TULP4: variants seen among roughly 807,000 people sequenced by gnomAD.
The protein encoded by TULP4 is TUB like protein 4, also known as tubby-related protein 4.
TULP4 carries 16 observed loss-of-function variants against 129.0 expected under a neutral mutation model. The ratio of observed to expected loss-of-function variants is 0.12; its 90% confidence interval spans 0.08 to 0.19. TULP4 has a LOEUF of 0.19. Among genes scored for constraint, TULP4 ranks in the 10% least tolerant of loss-of-function variants. TULP4 has a pLI of 1.00. For synonymous variants in TULP4, 998 were observed against 854.0 expected, an observed-to-expected ratio of 1.17 and a Z score of -2.94; for missense variants, 1,842 against 2,059.1, an observed-to-expected ratio of 0.89 and a Z score of 2.04.
intron 1 of TULP4, among the ~76,000 whole-genome samples, chr6:158,247,903 T>G (rs943173381): frequency 6.6e-6 from 1 of 152,174 alleles, no homozygotes; most frequent in Admixed American, 6.6e-5. Flanking sequence ...TATACAGGAT[T>G]ATCTTTACAC....
At chr6:158,399,015 C>T (rs1777784351) in intron 1 of TULP4, among the ~76,000 whole-genome samples, 1 of 152,118 alleles carries the variant, frequency 6.6e-6, no homozygotes, top group Non-Finnish European at 1.5e-5. Flanking sequence ...TATGCAACTG[C>T]CAGTAACTTC....
At chr6:158,282,525 C>CT (rs1778772157) in intron 1 of TULP4, 1 of 151,226 alleles carries the variant, frequency 6.6e-6, no homozygotes, top group Non-Finnish European at 1.5e-5. Context: ...GGATCATTAT[C>CT]TTTTTTCCTG....
At position 158,314,765 on chromosome 6, in the gene TULP4, T is replaced by C. The variant is rs749278052; in HGVS notation, c.252+497T>C. 2.0e-5 allele frequency among the ~76,000 whole-genome samples: 3 copies of C among 152,348 alleles called. No homozygotes were observed. In the Middle Eastern group the frequency reaches 0.01, roughly 518 times the overall value. On this transcript the variant is annotated intron_variant, in intron 1 of 13. Transcript: ENST00000367097. ...GGCTTAACACTTGGCTTGTATGTTT[T>C]CGTACTTGGAGGTAAAGAAGTAGTT...
intron 1 of TULP4, among the ~76,000 whole-genome samples, chr6:158,253,400 G>A (rs1583678020): frequency 6.6e-6 from 1 of 152,166 alleles, no homozygotes; most frequent in African/African-American, 2.4e-5. Flanking sequence ...TCCTGTCTCT[G>A]CCCTGCCGTA....
intron 2 of TULP4, among the ~76,000 whole-genome samples, chr6:158,418,044 C>T (rs1240818037): frequency 6.6e-6 from 1 of 151,548 alleles, no homozygotes; most frequent in African/African-American, 2.4e-5. Flanking sequence ...GCATTGCAAC[C>T]TTCTGCAGTT....
intron 1 of TULP4, among the ~76,000 whole-genome samples, chr6:158,246,425 G>A (rs572603038): frequency 6.6e-6 from 1 of 151,830 alleles, no homozygotes; most frequent in African/African-American, 2.4e-5. Flanking sequence ...CCAGGAGGCG[G>A]AGCTTGCAGT....
chr6:158,489,586 A>C lies in TULP4; in HGVS notation c.1487-2A>C, dbSNP rs755017553. On this transcript the variant is annotated splice_acceptor_variant, in intron 8 of 13. Coordinates refer to ENST00000367097, the MANE Select transcript of TULP4 (RefSeq NM_020245.5). LOFTEE classifies it high-confidence loss of function. ...GAAATCTGCTGGTTGGTGTTTTACC[A>C]GATGAAATCTATGGGAACAGCTTGA... 6.2e-7 allele frequency: 1 copy of C among 1,614,154 alleles called. No individual in the cohort carries two copies. Among genetic ancestry groups the C allele is most frequent in the Non-Finnish European group, 8.5e-7 (1 of 1,180,036 alleles).
At chr6:158,237,607 T>C in intron 1 of TULP4, 2 of 1,462,282 alleles carry the variant, frequency 1.4e-6, no homozygotes, top group Non-Finnish European at 1.9e-6. Flanking sequence ...GAAAGAACAT[T>C]CTTGCATTGG....
At chr6:158,501,555 G>T in intron 12 of TULP4, 123 bp from the exon 13 acceptor site, 1 of 1,005,282 alleles carries the variant, frequency 9.9e-7, no homozygotes. Flanking sequence ...ACACGTCTCT[G>T]TCTCTGGCAA....
At chr6:158,365,229 CAT>C (rs1238446014) in intron 1 of TULP4, among the ~76,000 whole-genome samples, 1 of 151,976 alleles carries the variant, frequency 6.6e-6, no homozygotes, top group Non-Finnish European at 1.5e-5. Flanking sequence ...CTTCACTTCT[CAT>C]AGAGAGAAGT....
intron 1 of TULP4, among the ~76,000 whole-genome samples, chr6:158,263,412 C>G (rs1778386596): frequency 6.6e-6 from 1 of 152,160 alleles, no homozygotes; most frequent in South Asian, 2.1e-4. Flanking sequence ...ATAGTAACTC[C>G]TGAGCTGCTA....
intron 1 of TULP4, among the ~76,000 whole-genome samples, chr6:158,235,730 T>C (rs971371269): frequency 6.6e-6 from 1 of 152,244 alleles, no homozygotes; most frequent in Non-Finnish European, 1.5e-5. Flanking sequence ...TAGATTTTTG[T>C]ATACTAAATG....
rs1777938077 is a variant in TULP4, at chr6:158,242,311, G to T, written n.68+10008G>T. On this transcript the variant is annotated intron_variant and non_coding_transcript_variant, in intron 1 of 1. Transcript: ENST00000620026. ...TAGCACAGCTCATGTGTGCCTTCTT[G>T]GAAGCCCAGGCTCTCTGGAGCCACT... 1.9e-6 allele frequency: 3 copies of T among 1,558,264 alleles called. No individual in the cohort carries two copies. The East Asian group carries it at 6.7e-5, about 35-fold the overall frequency.
At chr6:158,302,333 G>A (rs753206392) in intron 1 of TULP4, among the ~76,000 whole-genome samples, 8 of 152,204 alleles carry the variant, frequency 5.3e-5, no homozygotes, top group African/African-American at 9.7e-5. Context: ...GAAAGAAATA[G>A]TCTTTAAGAT....
chr6:158,266,632 A>G (rs1019934120), intron 1 of TULP4, among the ~76,000 whole-genome samples: 6 of 152,204 alleles, frequency 3.9e-5, no homozygotes, highest in African/African-American at 1.4e-4. Context: ...GAGGACTGAA[A>G]ACGTTCAAAG....
chr6:158,424,466 T>C (rs1028764906), intron 2 of TULP4, among the ~76,000 whole-genome samples: 1 of 152,038 alleles, frequency 6.6e-6, no homozygotes, highest in African/African-American at 2.4e-5. Context: ...GACAGGCTGG[T>C]CTTGAACTCC....
At chr6:158,455,734 C>T (rs1182963497) in intron 5 of TULP4, among the ~76,000 whole-genome samples, 2 of 90,476 alleles carry the variant, frequency 2.2e-5, no homozygotes, top group East Asian at 5.0e-4. Context: ...AAGACTCCGT[C>T]TCAAAAAAAA....
At chr6:158,504,903 T>G (rs1780563416) in intron 13 of TULP4, among the ~76,000 whole-genome samples, 2 of 152,226 alleles carry the variant, frequency 1.3e-5, no homozygotes, top group South Asian at 4.1e-4. Context: ...GCTCACCCTA[T>G]GCACACACAC....
intron 1 of TULP4, among the ~76,000 whole-genome samples, chr6:158,236,795 C>CTTTTCTTTTCTTTTTTTTT (rs1554272522): frequency 1.6e-5 from 1 of 63,292 alleles, no homozygotes; most frequent in Non-Finnish European, 3.1e-5. Context: ...CAATTCTTTT[C>CTTTTCTTTTCTTTTTTTTT]TTTTTTTTTT....
Sources: allele counts gnomAD v4.1 joint callset (sites outside exome capture counted in the v4.1 genomes callset), GRCh38; gene constraint gnomAD v4.1.1; transcripts MANE v1.5; gene names NCBI Gene and HGNC (gene_info 2026-07-23, HGNC 2026-07-21).